Variants in INF2 observed in about 807,000 individuals in gnomAD.
INF2 encodes the protein inverted formin 2.
In INF2, 43 loss-of-function variants were observed where a neutral mutation model predicts 123.5. That is an observed-to-expected ratio of 0.35 (90% CI 0.27 to 0.45). The LOEUF (loss-of-function observed/expected upper bound fraction) is 0.45, where lower values mean the gene tolerates loss of function less well. Among genes scored for constraint, INF2 ranks in the 20% least tolerant of loss-of-function variants. INF2 has a pLI of 1.00. For synonymous variants in INF2, 851 were observed against 745.0 expected, an observed-to-expected ratio of 1.14 and a Z score of -2.32; for missense variants, 1,453 against 1,682.7, an observed-to-expected ratio of 0.86 and a Z score of 2.39.
rs1385146569 is a variant in INF2, at chr14:104,713,289, G to A, written c.2858G>A (p.Arg953Gln). 32 of 1,550,382 alleles carry A rather than the reference G, an allele frequency of 2.1e-5. No individual in the cohort carries two copies. The highest frequency in any genetic ancestry group is 2.5e-5 in the Non-Finnish European group (29 of 1,147,582). Residue 953 changes from arginine (R) to glutamine (Q), a missense_variant, in exon 19 of 23, where the codon CGG becomes CAG. Physicochemically the swap from Arg to Gln is conservative, Grantham distance 43 (BLOSUM62 1). Around this residue, in one of 8 missense-constraint regions of INF2, gnomAD observed 212 missense variants for 266.2 expected, o/e 0.80. Transcript: ENST00000392634. The stretch of plus-strand genomic sequence containing the variant: ...GCGGAGGAGGAGGCGCGGCGGCCTC[G>A]GGGAGAGGACGGGAAGCCTGGTGAG... ...QLAEEEARRPRGEDGKPVRKG... is the reference protein window; with the variant it reads ...QLAEEEARRPQGEDGKPVRKG...
intron 4 of INF2, 88 bp from the exon 5 acceptor site, chr14:104,703,828 C>A: frequency 6.2e-7 from 1 of 1,602,762 alleles, no homozygotes; most frequent in South Asian, 1.1e-5. Context: ...TGCAGCAGGG[C>A]AGGGTCAGGT....
rs1595180010 is a variant in INF2 at position 104,714,449 on chromosome 14, C to A, written c.3287C>A (p.Pro1096His). Reference protein sequence around the residue: ...LTTEDPQCPQPLEGAWPVTLG... With the variant: ...LTTEDPQCPQHLEGAWPVTLG... ...ACTGAGGATCCCCAGTGCCCCCAGCCCTTGGAGGGGGCCTGGCCGGTGACT... is the reference window on the plus strand; with the variant it reads ...ACTGAGGATCCCCAGTGCCCCCAGCACTTGGAGGGGGCCTGGCCGGTGACT... The change falls in exon 21 of 23, where the codon CCC becomes CAC. Residue 1096 changes from proline to histidine, a missense_variant. This residue lies in a region of INF2 where 344 missense variants were observed against 333.1 expected (regional missense o/e 1.03). Coordinates refer to ENST00000392634, the MANE Select transcript of INF2 (RefSeq NM_022489.4). 1 of 1,611,642 alleles carries A rather than the reference C, an allele frequency of 6.2e-7. No homozygotes were observed. The highest frequency in any genetic ancestry group is 2.2e-5 in the East Asian group (1 of 44,846).
In INF2 at chr14:104,714,259, G is replaced by A. The variant is rs1185901096; in HGVS notation, c.3097G>A (p.Glu1033Lys). The change falls in exon 21 of 23, where the codon GAG becomes AAG. Residue 1033 changes from glutamate to lysine, a missense_variant. Physicochemically the swap from Glu to Lys is moderately conservative, Grantham distance 56. This residue lies in a region of INF2 where 344 missense variants were observed against 333.1 expected (regional missense o/e 1.03). Transcript: ENST00000392634. Reference protein sequence around the residue: ...PVGSTRCPASEPGLDATTASE... With the variant: ...PVGSTRCPASKPGLDATTASE... ...GGGCAGCACGCGCTGTCCCGCCTCT[G>A]AGCCCGGCCTTGATGCTACAACAGC... 1.8e-5 allele frequency: 28 copies of A among 1,592,266 alleles called. No individual in the cohort carries two copies. The highest frequency in any genetic ancestry group is 2.1e-5 in the Non-Finnish European group (25 of 1,171,040).
chr14:104,713,383 C>A (rs952026597), intron 19 of INF2, 62 bp from the exon 20 acceptor site: 1 of 1,574,046 alleles, frequency 6.4e-7, no homozygotes, highest in Admixed American at 1.9e-5. Context: ...CCCCACCACC[C>A]CCAGCCCTCT....
chr14:104,717,841 C>G (rs767023324), intron 22 of INF2, among the ~76,000 whole-genome samples: 1 of 152,226 alleles, frequency 6.6e-6, no homozygotes, highest in African/African-American at 2.4e-5. Flanking sequence ...CGCTGCAGCG[C>G]GGTTCTGTGT....
rs1317776692 is a variant in INF2, at chr14:104,701,619, C to T, written c.254C>T (p.Ser85Leu). 1 of 1,602,810 alleles carries T rather than the reference C, an allele frequency of 6.2e-7. No individual in the cohort carries two copies. The highest frequency in any genetic ancestry group is 8.5e-7 in the Non-Finnish European group (1 of 1,177,624). Reference protein sequence around the residue: ...DLLLEALARLSGRGVARISDA... With the variant: ...DLLLEALARLLGRGVARISDA... ...CTGCTGGAGGCGCTGGCGCGGCTGT[C>T]GGGCCGCGGCGTTGCACGTATCTCC... Residue 85 changes from serine (S) to leucine (L), a missense_variant, in exon 2 of 23, where the codon TCG becomes TTG. Around this residue, in one of 8 missense-constraint regions of INF2, gnomAD observed 251 missense variants for 349.4 expected, o/e 0.72. Transcript: ENST00000392634.
chr14:104,699,769 G>C lies in INF2; in HGVS notation c.-9-1588G>C, dbSNP rs7153623. ...CTCTCAGGATGCTCCTGGCAGCCTG[G>C]TGCTGGAGGTGCAGAAGAAGAAACT... On this transcript the variant is annotated intron_variant, in intron 1 of 22. Coordinates refer to ENST00000392634, the MANE Select transcript of INF2 (RefSeq NM_022489.4). The surrounding 1 kb of genome is among the most constrained non-coding windows in gnomAD (Gnocchi z 4.7). Among the ~76,000 whole-genome samples the C allele has an allele frequency of 6.6e-6, 1 of 152,096 alleles. No individual in the cohort carries two copies. Among genetic ancestry groups the C allele is most frequent in the African/African-American group, 2.4e-5 (1 of 41,386 alleles).
In INF2 at chr14:104,708,019, C is replaced by A; in HGVS notation, c.1735+17C>A. 2 of 1,598,112 alleles carry A rather than the reference C, an allele frequency of 1.3e-6. No homozygotes were observed. Among genetic ancestry groups the A allele is most frequent in the South Asian group, 2.2e-5 (2 of 91,076 alleles). On this transcript the variant is annotated intron_variant, in intron 8 of 22. Transcript: ENST00000392634. ...TGGCACGTGGTGAGGGTCCCCAGAC[C>A]CCCAAGGGAAGCTTCCCCTAGGACG...
At chr14:104,689,594 G>GCCCCC, upstream of INF2, 2 of 251,140 alleles carry the variant, frequency 8.0e-6, no homozygotes, top group Non-Finnish European at 1.1e-5. Context: ...TCTTCCTCCC[G>GCCCCC]CCCGCCCCGC....
intron 1 of INF2, among the ~76,000 whole-genome samples, chr14:104,683,176 GC>G (rs1888571192): frequency 6.6e-6 from 1 of 151,000 alleles, no homozygotes; most frequent in Non-Finnish European, 1.5e-5. Flanking sequence ...TCTGCGGGTG[GC>G]TGCAATGGGG....
chr14:104,694,793 G>A (rs943094038), intron 1 of INF2, among the ~76,000 whole-genome samples: 1 of 152,178 alleles, frequency 6.6e-6, no homozygotes, highest in Non-Finnish European at 1.5e-5. Flanking sequence ...CTGCTAGCGG[G>A]GATGTAGGCT....
intron 5 of INF2, among the ~76,000 whole-genome samples, chr14:104,705,831 G>A (rs764374654): frequency 1.1e-4 from 17 of 152,220 alleles, no homozygotes; most frequent in Admixed American, 5.2e-4. Context: ...CTGGCAGGGC[G>A]CAAGGCACTG....
At position 104,703,412 on chromosome 14, in the gene INF2, G is replaced by A. The variant is rs1012899025; in HGVS notation, c.625G>A (p.Glu209Lys). The change falls in exon 4 of 23, where the codon GAG becomes AAG. Residue 209 changes from glutamate to lysine, a missense_variant. Coordinates refer to ENST00000392634, the MANE Select transcript of INF2 (RefSeq NM_022489.4). The stretch of plus-strand genomic sequence containing the variant: ...GATCAACGCCGTCATCTTGGGCCCC[G>A]AGGACCTGCGCGCGCGCACCCAGCT... ...SVINAVILGP[E>K]DLRARTQLRN... is the part of the protein sequence containing the mutation. 8.1e-6 allele frequency: 13 copies of A among 1,612,872 alleles called. No homozygotes were observed. The highest frequency in any genetic ancestry group is 1.7e-5 in the Admixed American group (1 of 60,034).
At chr14:104,701,847 C>A in intron 2 of INF2, 91 bp downstream of exon 2, 1 of 1,350,580 alleles carries the variant, frequency 7.4e-7, no homozygotes, top group Non-Finnish European at 9.8e-7. Context: ...GCCTGGGGAA[C>A]CACCAGGAGG....
chr14:104,716,019 T>C, intron 22 of INF2: 1 of 451,568 alleles, frequency 2.2e-6, no homozygotes, highest in Non-Finnish European at 4.5e-6. Flanking sequence ...ATCAGCCAGG[T>C]CCGTCCACAG....
In INF2 at chr14:104,701,593, G is replaced by T. The variant is rs746934896; in HGVS notation, c.228G>T (p.Leu76=). Reference sequence around the variant, plus strand: ...TCCTGGAGCAGAGCGGCCTGGACCTGCTGCTGGAGGCGCTGGCGCGGCTGT... The same window carrying T: ...TCCTGGAGCAGAGCGGCCTGGACCTTCTGCTGGAGGCGCTGGCGCGGCTGT... ...VQFLEQSGLD[L]LLEALARLSG... Residue 76 remains leucine (L), a synonymous_variant, in exon 2 of 23, where the codon CTG becomes CTT. Coordinates refer to ENST00000392634, the MANE Select transcript of INF2 (RefSeq NM_022489.4). 6.2e-7 allele frequency: 1 copy of T among 1,607,074 alleles called. No homozygotes were observed. The highest frequency in any genetic ancestry group is 8.5e-7 in the Non-Finnish European group (1 of 1,178,672).
chr14:104,702,640 G>A (rs969390934), intron 2 of INF2, among the ~76,000 whole-genome samples: 5 of 152,226 alleles, frequency 3.3e-5, no homozygotes, highest in Non-Finnish European at 5.9e-5. Context: ...AGGTGTAGGG[G>A]CCAGCCATTC....
chr14:104,685,825 T>C (rs1266507464), upstream of INF2, among the ~76,000 whole-genome samples: 1 of 122,666 alleles, frequency 8.2e-6, no homozygotes, highest in Non-Finnish European at 1.7e-5. Flanking sequence ...GGATGATGGG[T>C]GGGTAGGCCG....
upstream of INF2, chr14:104,689,590 T>TTC: frequency 3.1e-4 from 203 of 646,886 alleles, no homozygotes; most frequent in Middle Eastern, 8.4e-4. Context: ...CTCCTCTTCC[T>TTC]CCCGCCCGCC....
Sources: gnomAD v4.1 joint callset for allele counts (sites outside exome capture counted in the v4.1 genomes callset) on GRCh38, gnomAD v4.1.1 for gene constraint, gnomAD v4.1.1 regional missense constraint, Gnocchi (gnomAD v3.1) non-coding constraint, MANE v1.5 for transcripts, NCBI Gene and HGNC (gene_info 2026-07-23, HGNC 2026-07-21) for gene names.